The following RAD21 variants were observed in gnomAD, a reference collection of about 807,000 sequenced individuals.
RAD21 encodes the protein RAD21 cohesin complex component, also known as double-strand-break repair protein rad21 homolog.
RAD21 carries 18 observed loss-of-function variants against 71.5 expected under a neutral mutation model. The observed-to-expected ratio is 0.25, with a 90% CI of 0.17 to 0.37. The LOEUF (loss-of-function observed/expected upper bound fraction) is 0.37, where lower values mean the gene tolerates loss of function less well. Ranked by LOEUF, RAD21 falls within the 10% of genes least tolerant of loss-of-function variation. The pLI, the probability that RAD21 is intolerant of heterozygous loss-of-function variation, is 1.00. For synonymous variants in RAD21, 248 were observed against 254.0 expected (o/e 0.98, Z 0.22); for missense variants, 493 against 769.1 (o/e 0.64, Z 4.25).
chr8:116,862,558 TTTC>T (rs1167544275), intron 3 of RAD21, among the ~76,000 whole-genome samples: 3 of 152,068 alleles, frequency 2.0e-5, no homozygotes, highest in Non-Finnish European at 4.4e-5. Flanking sequence ...GTTTAAGGCA[TTTC>T]TTAATAAAAT....
intron 1 of RAD21, among the ~76,000 whole-genome samples, chr8:116,868,917 T>C (rs1418553609): frequency 2.0e-5 from 3 of 150,530 alleles, no homozygotes; most frequent in East Asian, 1.9e-4. Flanking sequence ...CCAGAAAACA[T>C]GCACGCACGC....
chr8:116,855,718 T>TA (rs397831632), intron 8 of RAD21, among the ~76,000 whole-genome samples: 4 of 151,760 alleles, frequency 2.6e-5, no homozygotes, highest in Admixed American at 6.6e-5. Context: ...GTTTTTTTTT[T>TA]AAAAAGAATA....
chr8:116,848,896 G>A (rs766765996), intron 13 of RAD21, 50 bp downstream of exon 13: 6 of 1,478,452 alleles, frequency 4.1e-6, no homozygotes, highest in African/African-American at 1.4e-5. Flanking sequence ...AGGGAACAAT[G>A]GCAAAAGCCT....
chr8:116,873,878 C>A (rs1013722871), intron 1 of RAD21, among the ~76,000 whole-genome samples: 1 of 152,214 alleles, frequency 6.6e-6, no homozygotes, highest in Non-Finnish European at 1.5e-5. Flanking sequence ...TATCCTTAAT[C>A]ACTTTAAAGA....
chr8:116,862,503 T>C (rs1190104678), intron 3 of RAD21, among the ~76,000 whole-genome samples: 3 of 152,128 alleles, frequency 2.0e-5, no homozygotes, highest in Non-Finnish European at 4.4e-5. Context: ...ACTGTTCACA[T>C]ACTGACATAA....
At position 116,874,620 on chromosome 8, in the gene RAD21, C is replaced by A; in HGVS notation, c.-42G>T. 3.0e-6 allele frequency: 1 copy of A among 329,912 alleles called. No individual in the cohort carries two copies. Among genetic ancestry groups the A allele is most frequent in the South Asian group, 2.1e-5 (1 of 47,914 alleles). The allele number at this position is 329,912 out of a possible 1,614,324, so 20.4% of individuals were successfully genotyped here. A position where few individuals can be genotyped will look rare whatever the true frequency, so the allele number is the denominator to read the frequency against. On this transcript the variant is annotated 5_prime_UTR_variant, in exon 1 of 14. Transcript: ENST00000297338. ...CGGCCGAGTCTCTTACCTTGCTCTC[C>A]GCTGGGAGTTGGGCGGGCTGGGTGG...
In RAD21 at chr8:116,851,935, T is replaced by C. The variant is rs754753933; in HGVS notation, c.1470+13A>G. On this transcript the variant is annotated intron_variant, in intron 11 of 13. Transcript: ENST00000297338. ...ACCTTCAAATGACTTAATGGATAGA[T>C]TTGCTTACTTACAGGCATCACAGGC... 60 of 1,600,884 alleles carry C rather than the reference T, an allele frequency of 3.7e-5. No homozygotes were observed. Among genetic ancestry groups the C allele is most frequent in the Non-Finnish European group, 5.0e-5 (59 of 1,170,360 alleles).
At chr8:116,871,269 A>G (rs1477617394) in intron 1 of RAD21, among the ~76,000 whole-genome samples, 1 of 152,128 alleles carries the variant, frequency 6.6e-6, no homozygotes, top group Non-Finnish European at 1.5e-5. Flanking sequence ...CCTTTATGAA[A>G]ACCCTGTGCA....
intron 13 of RAD21, among the ~76,000 whole-genome samples, chr8:116,848,188 A>G (rs983770107): frequency 2.6e-5 from 4 of 152,232 alleles, no homozygotes; most frequent in African/African-American, 9.6e-5. Flanking sequence ...TGGTTACTGG[A>G]AAAAACAAAC....
In RAD21 at chr8:116,850,722, G is replaced by C. The variant is rs746102077; in HGVS notation, c.1516C>G (p.Pro506Ala). The stretch of plus-strand genomic sequence containing the variant: ...TGACAGATATTTGGAGGTTCTTCTG[G>C]GGGAAGCTCTACAGGTGGTATTTCC... ...QMEIPPVELP[P>A]EEPPNICQLI... Residue 506 changes from proline (P) to alanine (A), a missense_variant, in exon 12 of 14, where the codon CCA (proline) becomes GCA (alanine). Transcript: ENST00000297338. The C allele has an allele frequency of 2.5e-6, 4 of 1,613,340 alleles. No individual in the cohort carries two copies. The highest frequency in any genetic ancestry group is 3.4e-6 in the Non-Finnish European group (4 of 1,179,490).
chr8:116,856,029 G>T, intron 8 of RAD21, 137 bp downstream of exon 8: 2 of 970,620 alleles, frequency 2.1e-6, no homozygotes, highest in Non-Finnish European at 1.5e-6. Flanking sequence ...TAGCAGATCA[G>T]TAGACAGGCC....
chr8:116,850,631 T>C lies in RAD21; in HGVS notation c.1607A>G (p.Asp536Gly). The C allele has an allele frequency of 6.2e-7, 1 of 1,609,632 alleles. No individual in the cohort carries two copies. The highest frequency in any genetic ancestry group is 8.5e-7 in the Non-Finnish European group (1 of 1,176,456). ...EKEKEKEKEDDEEEEDEDASG... is the reference protein window; with the variant it reads ...EKEKEKEKEDGEEEEDEDASG... ...TAATTAGTTTACCTCTTCCTCTTCA[T>C]CATCTTCTTTTTCCTTCTCTTTCTC... The change falls in exon 12 of 14, where the codon GAT becomes GGT. Residue 536 changes from aspartate to glycine, a missense_variant. This residue lies in a region of RAD21 where 225 missense variants were observed against 218.3 expected (regional missense o/e 1.03). Coordinates refer to ENST00000297338, the MANE Select transcript of RAD21 (RefSeq NM_006265.3).
intron 4 of RAD21, among the ~76,000 whole-genome samples, chr8:116,859,155 G>T (rs1812532544): frequency 6.6e-6 from 1 of 150,516 alleles, no homozygotes; most frequent in South Asian, 2.1e-4. Flanking sequence ...AATGCTGACT[G>T]GCTATCATAT....
In RAD21 at chr8:116,847,063, AGTGT is replaced by A. The variant is rs1812264510; in HGVS notation, c.*433_*436del. 1 of 227,090 alleles carries A rather than the reference AGTGT, an allele frequency of 4.4e-6. No homozygotes were observed. The highest frequency in any genetic ancestry group is 8.8e-6 in the Non-Finnish European group (1 of 114,242). 14.1% of individuals were successfully genotyped at this position (227,090 alleles called of 1,614,324 possible). A position where few individuals can be genotyped will look rare whatever the true frequency, so the allele number is the denominator to read the frequency against. On this transcript the variant is annotated 3_prime_UTR_variant, in exon 14 of 14. Coordinates refer to ENST00000297338, the MANE Select transcript of RAD21 (RefSeq NM_006265.3). ...ATTGCCAGTGTTACTGATGGAAAGA[AGTGT>A]TTGTTTGTTTTTTTTTCTTGTCAAA...
Position 116,846,240 on chromosome 8 carries a change from T to C in RAD21, c.*1260A>G. ...TTACGAGTTCACAAATTTAAAACAT[T>C]TCACATAATTTTAAATTATTGGGTA... On this transcript the variant is annotated 3_prime_UTR_variant, in exon 14 of 14. Transcript: ENST00000297338. 1 of 231,056 alleles carries C rather than the reference T, an allele frequency of 4.3e-6. No individual in the cohort carries two copies. 14.3% of individuals were successfully genotyped at this position (231,056 alleles called of 1,614,324 possible). A position where few individuals can be genotyped will look rare whatever the true frequency, so the allele number is the denominator to read the frequency against.
At chr8:116,866,224 G>T (rs1812687640) in intron 2 of RAD21, among the ~76,000 whole-genome samples, 1 of 147,690 alleles carries the variant, frequency 6.8e-6, no homozygotes, top group South Asian at 2.1e-4. Context: ...ATTATACTAA[G>T]TAATACGCAT....
chr8:116,855,719 A>T (rs28419487), intron 8 of RAD21, among the ~76,000 whole-genome samples: 32,941 of 146,462 alleles, frequency 0.22, 4,329 homozygotes, highest in South Asian at 0.48. Flanking sequence ...TTTTTTTTTT[A>T]AAAAGAATAC....
chr8:116,863,106 A>AC (rs200360149), intron 3 of RAD21, 24 bp downstream of exon 3: 1 of 1,587,254 alleles, frequency 6.3e-7, no homozygotes, highest in African/African-American at 1.3e-5. Flanking sequence ...AACAACAACA[A>AC]AAACCAAACA....
At chr8:116,863,560 C>A (rs1202357074) in intron 2 of RAD21, among the ~76,000 whole-genome samples, 2 of 152,104 alleles carry the variant, frequency 1.3e-5, no homozygotes, top group East Asian at 1.9e-4. Context: ...CTTGCTAAGT[C>A]AATTCTGATT....
Sources: gnomAD v4.1 joint callset for allele counts (sites outside exome capture counted in the v4.1 genomes callset) on GRCh38, gnomAD v4.1.1 for gene constraint, gnomAD v4.1.1 regional missense constraint, MANE v1.5 for transcripts, NCBI Gene and HGNC (gene_info 2026-07-23, HGNC 2026-07-21) for gene names.